The following KCNH1 variants were observed in gnomAD, a reference collection of about 807,000 sequenced individuals.
The protein encoded by KCNH1 is voltage-gated delayed rectifier potassium channel KCNH1.
KCNH1 carries 27 observed loss-of-function variants against 69.2 expected under a neutral mutation model. The observed-to-expected ratio is 0.39, with a 90% confidence interval of 0.29 to 0.54. The LOEUF (loss-of-function observed/expected upper bound fraction) is 0.54, where lower values mean the gene tolerates loss of function less well. Among genes scored for constraint, KCNH1 ranks in the 20% least tolerant of loss-of-function variants. KCNH1 has a pLI of 0.68. For synonymous variants in KCNH1, 456 were observed against 487.7 expected, an observed-to-expected ratio of 0.93 and a Z score of 0.86; for missense variants, 798 against 1,261.6, an observed-to-expected ratio of 0.63 and a Z score of 5.57.
chr1:210,998,177 T>C (rs1177816375), intron 6 of KCNH1, among the ~76,000 whole-genome samples: 2 of 152,170 alleles, frequency 1.3e-5, no homozygotes, highest in African/African-American at 4.8e-5. Flanking sequence ...ACTTTAAATG[T>C]AAATGGGCTA....
At chr1:211,043,631 T>A (rs1441710389) in intron 5 of KCNH1, among the ~76,000 whole-genome samples, 8 of 152,046 alleles carry the variant, frequency 5.3e-5, no homozygotes, top group Non-Finnish European at 8.8e-5. Context: ...GGAAAGGACA[T>A]AACCAAAAAA....
intron 5 of KCNH1, among the ~76,000 whole-genome samples, chr1:211,026,391 A>C (rs928531427): frequency 1.3e-5 from 2 of 151,584 alleles, no homozygotes; most frequent in East Asian, 1.9e-4. Context: ...AAAAAAAAAA[A>C]AAAACAACCA....
intron 1 of KCNH1, among the ~76,000 whole-genome samples, chr1:211,127,487 T>C (rs145667465): frequency 3.0e-4 from 45 of 151,314 alleles, no homozygotes; most frequent in African/African-American, 1.0e-3. Context: ...TAATTCAAAC[T>C]GTACAAGTCT....
chr1:210,953,268 A>G lies in KCNH1; in HGVS notation c.1033-33199T>C, dbSNP rs536834596. The stretch of plus-strand genomic sequence containing the variant: ...ATTTTGCTCCCTCCAGGCACAGACC[A>G]TTTTCTGGAAATACAAATTCACACT... On this transcript the variant is annotated intron_variant, in intron 6 of 10. Coordinates refer to ENST00000271751, the MANE Select transcript of KCNH1 (RefSeq NM_172362.3). Among the ~76,000 whole-genome samples the G allele has an allele frequency of 1.6e-3, 247 of 152,220 alleles. 2 individuals carry two copies. In the Middle Eastern group the frequency reaches 0.041, roughly 25 times the overall value.
intron 10 of KCNH1, among the ~76,000 whole-genome samples, chr1:210,709,171 C>T (rs1227336141): frequency 6.6e-6 from 1 of 152,176 alleles, no homozygotes; most frequent in Non-Finnish European, 1.5e-5. Flanking sequence ...ATTATTTAAA[C>T]CCAGGAGGCA....
chr1:210,856,129 G>T (rs1277854701), intron 7 of KCNH1, among the ~76,000 whole-genome samples: 2 of 152,062 alleles, frequency 1.3e-5, no homozygotes, highest in African/African-American at 4.8e-5. Context: ...AACCCTTTTG[G>T]CAGCTGCCAT....
intron 10 of KCNH1, among the ~76,000 whole-genome samples, chr1:210,692,739 C>T (rs1206258856): frequency 6.6e-6 from 1 of 152,048 alleles, no homozygotes; most frequent in East Asian, 1.9e-4. Flanking sequence ...AGCTACAAGC[C>T]AAGGAATGCC....
intron 6 of KCNH1, among the ~76,000 whole-genome samples, chr1:210,933,320 A>G (rs1020565597): frequency 1.3e-5 from 2 of 151,538 alleles, no homozygotes; most frequent in Non-Finnish European, 2.9e-5. Context: ...CAATGAGAAC[A>G]CATGGACACA....
chr1:210,906,090 T>C (rs371469505), intron 7 of KCNH1, among the ~76,000 whole-genome samples: 9 of 152,334 alleles, frequency 5.9e-5, no homozygotes, highest in African/African-American at 2.2e-4. Flanking sequence ...CCATCAGGTC[T>C]GAACTCCCAG....
At chr1:210,877,537 A>G (rs955917530) in intron 7 of KCNH1, among the ~76,000 whole-genome samples, 4 of 152,204 alleles carry the variant, frequency 2.6e-5, no homozygotes, top group African/African-American at 9.6e-5. Context: ...ATTACTGACA[A>G]TGATGGGACC....
At chr1:211,111,419 G>A (rs970839638) in intron 1 of KCNH1, among the ~76,000 whole-genome samples, 2 of 147,486 alleles carry the variant, frequency 1.4e-5, no homozygotes, top group Non-Finnish European at 3.0e-5. Flanking sequence ...GCTTCTGCCC[G>A]GCCCCCACCC....
chr1:210,917,316 A>G (rs759191080), intron 7 of KCNH1, among the ~76,000 whole-genome samples: 28 of 151,886 alleles, frequency 1.8e-4, no homozygotes, highest in Non-Finnish European at 3.1e-4. Flanking sequence ...AGAGAGAGAG[A>G]AAGAAAGGGA....
intron 6 of KCNH1, among the ~76,000 whole-genome samples, chr1:211,006,622 A>G (rs937015342): frequency 2.0e-5 from 3 of 152,238 alleles, no homozygotes; most frequent in Non-Finnish European, 4.4e-5. Flanking sequence ...TGATGGCTAC[A>G]TAGATGCTTG....
chr1:210,958,645 T>A (rs573000416), intron 6 of KCNH1, among the ~76,000 whole-genome samples: 7 of 152,202 alleles, frequency 4.6e-5, no homozygotes, highest in Non-Finnish European at 8.8e-5. Context: ...TCTTCTTGCT[T>A]TACTTCATTA....
chr1:210,760,799 T>C (rs1423378521), intron 10 of KCNH1, among the ~76,000 whole-genome samples: 1 of 152,130 alleles, frequency 6.6e-6, no homozygotes, highest in Non-Finnish European at 1.5e-5. Flanking sequence ...TTATTCACTA[T>C]CATGAGAACA....
intron 10 of KCNH1, among the ~76,000 whole-genome samples, chr1:210,721,688 A>C (rs1260589497): frequency 6.6e-6 from 1 of 152,096 alleles, no homozygotes; most frequent in Non-Finnish European, 1.5e-5. Context: ...GCATTAGGAG[A>C]TATACCTAAT....
At position 211,107,320 on chromosome 1, in the gene KCNH1, T is replaced by C. The variant is rs1377545383; in HGVS notation, c.137A>G (p.Asn46Ser). The C allele has an allele frequency of 2.5e-6, 4 of 1,613,420 alleles. No homozygotes were observed. The highest frequency in any genetic ancestry group is 1.3e-5 in the African/African-American group (1 of 74,726). The change falls in exon 2 of 11, where the codon AAT (asparagine) becomes AGT (serine). Residue 46 changes from asparagine to serine, a missense_variant. Asn to Ser is a conservative substitution (Grantham distance 46). Coordinates refer to ENST00000271751, the MANE Select transcript of KCNH1 (RefSeq NM_172362.3). ...QIVDWPIVYS[N>S]DGFCKLSGYH... is the part of the protein sequence containing the mutation. ...GCCAGACAGCTTGCAAAATCCATCA[T>C]TGCTGTACACAATAGGCCAGTCCAC...
intron 10 of KCNH1, among the ~76,000 whole-genome samples, chr1:210,739,233 C>T (rs1682958999): frequency 6.6e-6 from 1 of 152,112 alleles, no homozygotes; most frequent in Non-Finnish European, 1.5e-5. Flanking sequence ...GAAATGGAAG[C>T]CCAAGAAGTG....
intron 7 of KCNH1, among the ~76,000 whole-genome samples, chr1:210,820,132 C>T (rs1345115144): frequency 2.6e-5 from 4 of 152,186 alleles, no homozygotes; most frequent in East Asian, 1.9e-4. Context: ...GTAGTTTTCA[C>T]AGAGGAATAG....
Sources: allele counts gnomAD v4.1 joint callset (sites outside exome capture counted in the v4.1 genomes callset), GRCh38; gene constraint gnomAD v4.1.1; transcripts MANE v1.5; gene names NCBI Gene and HGNC (gene_info 2026-07-23, HGNC 2026-07-21).